Variants in SPTB observed in about 807,000 individuals in gnomAD.
The protein encoded by SPTB is spectrin beta chain, erythrocytic.
A neutral mutation model predicts 256.2 loss-of-function variants in SPTB; 45 were observed. That is an observed-to-expected ratio of 0.18 (90% CI 0.14 to 0.23). The LOEUF (loss-of-function observed/expected upper bound fraction) is 0.23, where lower values mean the gene tolerates loss of function less well. SPTB is among the 10% of genes least tolerant of loss of function. SPTB has a pLI of 1.00. For missense variants in SPTB, 2,715 were observed against 3,040.4 expected (o/e 0.89, Z 2.52); for synonymous variants, 1,231 against 1,243.1 (o/e 0.99, Z 0.21).
rs1373492855 is a variant in SPTB at position 64,787,025 on chromosome 14, T to C, written c.2940A>G (p.Thr980=). Residue 980 remains threonine, a synonymous_variant, in exon 16 of 36, where the codon ACA becomes ACG. Coordinates refer to ENST00000644917, the MANE Select transcript of SPTB (RefSeq NM_001355436.2). ...ITDKTKVVES[T]KDLGRDLAGI... ...CTGCCAGGTCCCGCCCCAGGTCTTT[T>C]GTGGACTCCACTACCTTTGTCTTGT... The C allele has an allele frequency of 6.2e-7, 1 of 1,614,040 alleles. No homozygotes were observed. Among genetic ancestry groups the C allele is most frequent in the Non-Finnish European group, 8.5e-7 (1 of 1,180,040 alleles).
intron 32 of SPTB, among the ~76,000 whole-genome samples, chr14:64,765,947 AGT>A (rs961289877): frequency 5.6e-5 from 7 of 125,354 alleles, no homozygotes; most frequent in Non-Finnish European, 8.4e-5. Flanking sequence ...TGTGGGTGTG[AGT>A]GTGTGGATGT....
In SPTB at chr14:64,807,878, G is replaced by C. The variant is rs1044940174; in HGVS notation, c.149-2788C>G. On this transcript the variant is annotated intron_variant, in intron 2 of 35. Transcript: ENST00000644917. The surrounding 1 kb of genome is among the most constrained non-coding windows in gnomAD (Gnocchi z 4.7). ...TACTGGGACCCACCATGGGAAGGAG[G>C]CCTCAGCACAGCCCTGCCAGGAGCC... Among the ~76,000 whole-genome samples the C allele has an allele frequency of 2.0e-5, 3 of 152,204 alleles. No homozygotes were observed. Among genetic ancestry groups the C allele is most frequent in the Non-Finnish European group, 2.9e-5 (2 of 68,030 alleles).
At chr14:64,752,994 C>T (rs746688668) in intron 33 of SPTB, among the ~76,000 whole-genome samples, 4 of 152,096 alleles carry the variant, frequency 2.6e-5, no homozygotes, top group African/African-American at 4.8e-5. Flanking sequence ...GTCATAGAGT[C>T]ACCAGATGAC....
intron 13 of SPTB, among the ~76,000 whole-genome samples, chr14:64,794,159 G>A (rs1312205562): frequency 6.6e-6 from 1 of 152,118 alleles, no homozygotes; most frequent in Non-Finnish European, 1.5e-5. Context: ...GGTCATTCTT[G>A]AAAGATGCAG....
Position 64,801,266 on chromosome 14 carries a change from A to G in SPTB, c.763+19T>C. On this transcript the variant is annotated intron_variant, in intron 7 of 35. Transcript: ENST00000644917. The stretch of plus-strand genomic sequence containing the variant: ...CCCCACTGCTGCAGCAAAGGCTGGC[A>G]GGGGTGGGTGTGGCTCACCTTCGGG... 8 of 1,599,178 alleles carry G rather than the reference A, an allele frequency of 5.0e-6. No individual in the cohort carries two copies. Among genetic ancestry groups the G allele is most frequent in the Non-Finnish European group, 6.9e-6 (8 of 1,167,000 alleles).
chr14:64,758,361 G>A lies in SPTB; in HGVS notation c.6346-4568C>T, dbSNP rs2082045860. ...TTGGAACATTCTGAGGCTTGAGACA[G>A]GAAGGGAGAAGCCATGTGAACAGGT... On this transcript the variant is annotated intron_variant, in intron 32 of 35. Transcript: ENST00000644917. This position sits in a 1 kb window ranked among gnomAD's most constrained non-coding sequence, Gnocchi z 4.6. Among the ~76,000 whole-genome samples, 1 of 152,260 alleles carries A rather than the reference G, an allele frequency of 6.6e-6. No individual in the cohort carries two copies. The highest frequency in any genetic ancestry group is 1.5e-5 in the Non-Finnish European group (1 of 68,038).
intron 33 of SPTB, among the ~76,000 whole-genome samples, chr14:64,751,805 C>T (rs113599614): frequency 1.1e-4 from 16 of 147,956 alleles, no homozygotes; most frequent in East Asian, 1.0e-3. Context: ...TCATGTCGGC[C>T]GGGCGTGGTG....
At position 64,787,230 on chromosome 14, in the gene SPTB, C is replaced by T. The variant is rs2082588624; in HGVS notation, c.2805-70G>A. 11 of 1,581,472 alleles carry T rather than the reference C, an allele frequency of 7.0e-6. No individual in the cohort carries two copies. In the Admixed American group the frequency reaches 1.9e-4, roughly 27 times the overall value. ...CTTAGCTCTTCTTCCCATAGGAGAC[C>T]CTGACCCCTTCCCACATTTCCCACA... is the stretch of plus-strand genomic sequence containing the variant. On this transcript the variant is annotated intron_variant, in intron 15 of 35. Transcript: ENST00000644917.
Position 64,764,724 on chromosome 14 carries a change from G to A in SPTB, c.6345+2002C>T, listed in dbSNP as rs1020407486. Among the ~76,000 whole-genome samples, 1 of 152,332 alleles carries A rather than the reference G, an allele frequency of 6.6e-6. No homozygotes were observed. Among genetic ancestry groups the A allele is most frequent in the African/African-American group, 2.4e-5 (1 of 41,572 alleles). On this transcript the variant is annotated intron_variant, in intron 32 of 35. Coordinates refer to ENST00000644917, the MANE Select transcript of SPTB (RefSeq NM_001355436.2). The surrounding 1 kb of genome is among the most constrained non-coding windows in gnomAD (Gnocchi z 4.2). The stretch of plus-strand genomic sequence containing the variant: ...ACACCGCCACATGCAGACACACAGG[G>A]ACGCATGGCAGAAGCAGGCGGGGGC...
At position 64,777,336 on chromosome 14, in the gene SPTB, T is replaced by C. The variant is rs2082377610; in HGVS notation, c.4563+1821A>G. Reference sequence around the variant, plus strand: ...AGGCAGGGGTCAGGTCAGGCAAGAGTGGTTCTTAATCCTGATTGCCCACTG... The same window carrying C: ...AGGCAGGGGTCAGGTCAGGCAAGAGCGGTTCTTAATCCTGATTGCCCACTG... On this transcript the variant is annotated intron_variant, in intron 22 of 35. Coordinates refer to ENST00000644917, the MANE Select transcript of SPTB (RefSeq NM_001355436.2). This position sits in a 1 kb window ranked among gnomAD's most constrained non-coding sequence, Gnocchi z 4.5. Among the ~76,000 whole-genome samples the C allele has an allele frequency of 6.6e-6, 1 of 151,786 alleles. No homozygotes were observed. The highest frequency in any genetic ancestry group is 6.6e-5 in the Admixed American group (1 of 15,244).
chr14:64,780,991 A>G lies in SPTB; in HGVS notation c.4267-1060T>C, dbSNP rs191194520. Among the ~76,000 whole-genome samples the G allele has an allele frequency of 3.9e-5, 6 of 152,346 alleles. No homozygotes were observed. In the East Asian group the frequency reaches 1.2e-3, roughly 29 times the overall value. On this transcript the variant is annotated intron_variant, in intron 20 of 35. Transcript: ENST00000644917. ...CAATGAGGAAAAGACTCCTTATTCA[A>G]TAAATGGTGCTGGGAGAACTGGCTA... is the stretch of plus-strand genomic sequence containing the variant.
At chr14:64,859,773 G>T (rs1190312966) in intron 1 of SPTB, among the ~76,000 whole-genome samples, 1 of 151,848 alleles carries the variant, frequency 6.6e-6, no homozygotes, top group Admixed American at 6.6e-5. Flanking sequence ...GAATATGGAG[G>T]AATATGCATC....
chr14:64,832,587 T>G (rs2083466115), intron 1 of SPTB, among the ~76,000 whole-genome samples: 1 of 152,220 alleles, frequency 6.6e-6, no homozygotes. Flanking sequence ...GAACCCATCG[T>G]GTCCAACTGC....
rs1288677849 is a variant in SPTB, at chr14:64,806,614, A to G, written c.149-1524T>C. 6.6e-6 allele frequency among the ~76,000 whole-genome samples: 1 copy of G among 152,222 alleles called. No individual in the cohort carries two copies. The highest frequency in any genetic ancestry group is 1.5e-5 in the Non-Finnish European group (1 of 68,030). ...GCTGCATCAGATGCCTTCCGGCTTC[A>G]TGGCTATTTTGGTATTAGGAACTCA... On this transcript the variant is annotated intron_variant, in intron 2 of 35. Transcript: ENST00000644917. The surrounding 1 kb of genome is among the most constrained non-coding windows in gnomAD (Gnocchi z 4.1).
intron 2 of SPTB, among the ~76,000 whole-genome samples, chr14:64,809,491 G>A (rs578253028): frequency 1.3e-5 from 2 of 151,668 alleles, no homozygotes; most frequent in Admixed American, 6.6e-5. Flanking sequence ...GACTACAGGC[G>A]TGCACCACCA....
At chr14:64,833,289 G>A (rs1249318563) in intron 1 of SPTB, among the ~76,000 whole-genome samples, 1 of 152,308 alleles carries the variant, frequency 6.6e-6, no homozygotes, top group African/African-American at 2.4e-5. Flanking sequence ...GGTGGCTCAC[G>A]CCCATAATCC....
rs544798798 is a variant in SPTB, at chr14:64,872,306, C to T, written c.-52+7486G>A. On this transcript the variant is annotated intron_variant, in intron 1 of 35. Coordinates refer to ENST00000644917, the MANE Select transcript of SPTB (RefSeq NM_001355436.2). ...AATCTCATAATCTCTATACTCAGAA[C>T]CCAACTGCATCTCACCAGGACTATC... Among the ~76,000 whole-genome samples, 16 of 152,304 alleles carry T rather than the reference C, an allele frequency of 1.1e-4. 1 individual carries two copies. The South Asian group carries it at 3.3e-3, about 32-fold the overall frequency.
chr14:64,846,847 A>T (rs965821706), intron 1 of SPTB, among the ~76,000 whole-genome samples: 3 of 152,350 alleles, frequency 2.0e-5, no homozygotes. Flanking sequence ...GAACTATCAG[A>T]TTCCAATCTG....
chr14:64,814,989 C>A (rs914695113), intron 2 of SPTB, among the ~76,000 whole-genome samples: 1 of 151,784 alleles, frequency 6.6e-6, no homozygotes, highest in East Asian at 1.9e-4. Context: ...ATATTCACAG[C>A]CCCTCAGGTG....
Sources: gnomAD v4.1 joint callset for allele counts (sites outside exome capture counted in the v4.1 genomes callset) on GRCh38, gnomAD v4.1.1 for gene constraint, Gnocchi (gnomAD v3.1) non-coding constraint, MANE v1.5 for transcripts, NCBI Gene and HGNC (gene_info 2026-07-23, HGNC 2026-07-21) for gene names.